Variants in MINDY4 observed in about 807,000 individuals in gnomAD.
MINDY4 encodes the protein probable ubiquitin carboxyl-terminal hydrolase MINDY-4.
MINDY4 carries 68 observed loss-of-function variants against 87.0 expected under a neutral mutation model. The ratio of observed to expected loss-of-function variants is 0.78; its 90% CI spans 0.64 to 0.96. MINDY4 has a LOEUF of 0.96. MINDY4 is among the 40% of genes least tolerant of loss of function. The pLI, the probability that MINDY4 is intolerant of heterozygous loss-of-function variation, is 0.00. For synonymous variants in MINDY4, 379 were observed against 363.2 expected (o/e 1.04, Z -0.50); for missense variants, 919 against 928.2 (o/e 0.99, Z 0.13).
At chr7:30,891,455 G>T (rs1454004098) in intron 17 of MINDY4, among the ~76,000 whole-genome samples, 1 of 152,212 alleles carries the variant, frequency 6.6e-6, no homozygotes, top group African/African-American at 2.4e-5. Context: ...AGTGCTCACA[G>T]CCATTCACTA....
At chr7:30,828,315 G>C (rs1325080019) in intron 5 of MINDY4, among the ~76,000 whole-genome samples, 2 of 140,074 alleles carry the variant, frequency 1.4e-5, no homozygotes, top group African/African-American at 2.9e-5. Flanking sequence ...ACAAGAACTC[G>C]ATTTGTGTGT....
chr7:30,788,684 A>G (rs1232037778), intron 4 of MINDY4, among the ~76,000 whole-genome samples: 3 of 152,180 alleles, frequency 2.0e-5, no homozygotes, highest in African/African-American at 7.2e-5. Context: ...ATGCCTGCCA[A>G]ATACCCACGC....
intron 5 of MINDY4, among the ~76,000 whole-genome samples, chr7:30,793,420 CT>C (rs59690003): frequency 4.0e-4 from 56 of 140,882 alleles, no homozygotes; most frequent in Admixed American, 5.7e-4. Flanking sequence ...CTTTGGTTTG[CT>C]TTTTTTTTTT....
chr7:30,862,395 G>T (rs1789792468), intron 13 of MINDY4, among the ~76,000 whole-genome samples: 1 of 152,220 alleles, frequency 6.6e-6, no homozygotes. Flanking sequence ...CCATTCTCTG[G>T]CCTTCCAGAG....
Position 30,771,460 on chromosome 7 carries a change from CGT to C in MINDY4, c.-32_-31del. The C allele has an allele frequency of 6.3e-7, 1 of 1,589,178 alleles. No homozygotes were observed. The highest frequency in any genetic ancestry group is 8.6e-7 in the Non-Finnish European group (1 of 1,169,258). On this transcript the variant is annotated 5_prime_UTR_variant, in exon 1 of 18. Transcript: ENST00000265299. The stretch of plus-strand genomic sequence containing the variant: ...CCAGTTGCCTGGTGCTGCGGCCCGG[CGT>C]GGGCCTCGTGGGCAGAGCCAGAGCC...
At chr7:30,790,799 G>C (rs1218352043) in intron 4 of MINDY4, among the ~76,000 whole-genome samples, 1 of 152,170 alleles carries the variant, frequency 6.6e-6, no homozygotes, top group Non-Finnish European at 1.5e-5. Flanking sequence ...TTATATTACA[G>C]GTGAGGAAAT....
intron 5 of MINDY4, among the ~76,000 whole-genome samples, chr7:30,793,170 A>AATTGTTTC (rs1562532609): frequency 6.8e-6 from 1 of 147,458 alleles, no homozygotes; most frequent in Non-Finnish European, 1.5e-5. Flanking sequence ...TTGTTTATAT[A>AATTGTTTC]TGTATTATTC....
In MINDY4 at chr7:30,875,549, G is replaced by A; in HGVS notation, c.1864G>A (p.Val622Met). The part of the protein sequence containing the change: ...GKAVSNVFND[V>M]VELDSGDGNI... ...AGCTGTGTCCAACGTTTTCAACGAT[G>A]TGGTTGAGCTGGATTCTGGGGATGG... Residue 622 changes from valine to methionine, a missense_variant, in exon 15 of 18, where the codon GTG becomes ATG. Coordinates refer to ENST00000265299, the MANE Select transcript of MINDY4 (RefSeq NM_032222.3). 1.9e-6 allele frequency: 3 copies of A among 1,614,264 alleles called. No homozygotes were observed. Among genetic ancestry groups the A allele is most frequent in the Non-Finnish European group, 2.5e-6 (3 of 1,180,042 alleles).
intron 13 of MINDY4, among the ~76,000 whole-genome samples, chr7:30,867,270 A>G (rs1001653715): frequency 2.0e-5 from 3 of 152,112 alleles, no homozygotes; most frequent in African/African-American, 7.2e-5. Context: ...CTCCATTTCA[A>G]CTGCTCGGAG....
At chr7:30,839,345 C>A in intron 8 of MINDY4, 29 bp downstream of exon 8, 1 of 1,441,190 alleles carries the variant, frequency 6.9e-7, no homozygotes, top group Non-Finnish European at 9.5e-7. Flanking sequence ...TCCTTGGGAC[C>A]TTTCTGCTGG....
At position 30,892,348 on chromosome 7, in the gene MINDY4, C is replaced by T. The variant is rs974697020; in HGVS notation, c.*343C>T. The T allele has an allele frequency of 3.0e-5, 9 of 297,240 alleles. No individual in the cohort carries two copies. Among genetic ancestry groups the T allele is most frequent in the South Asian group, 7.1e-5 (1 of 14,146 alleles). The allele number at this position is 297,240 out of a possible 1,614,324, so 18.4% of individuals were successfully genotyped here. ...TGTGGTTGGCCCTGGGGACTCATTA[C>T]TTCTGGTAGCTGGCTTTCTATAAAA... On this transcript the variant is annotated 3_prime_UTR_variant, in exon 18 of 18. Coordinates refer to ENST00000265299, the MANE Select transcript of MINDY4 (RefSeq NM_032222.3).
chr7:30,782,338 ATGTTTG>A (rs1178911477), intron 3 of MINDY4, 126 bp downstream of exon 3: 49 of 642,100 alleles, frequency 7.6e-5, no homozygotes, highest in South Asian at 4.0e-4. Flanking sequence ...CTGTGTGTGT[ATGTTTG>A]TGTGTGTGTG....
intron 12 of MINDY4, chr7:30,859,025 C>G (rs534656787): frequency 1.4e-6 from 1 of 709,134 alleles, no homozygotes; most frequent in East Asian, 2.7e-5. Context: ...CACTGATGCT[C>G]TCTTTGGTGG....
chr7:30,774,462 G>A (rs1366473999), intron 1 of MINDY4, among the ~76,000 whole-genome samples: 2 of 152,060 alleles, frequency 1.3e-5, no homozygotes, highest in African/African-American at 4.8e-5. Context: ...TTGTGCTCCT[G>A]CAGAATCCCA....
intron 5 of MINDY4, among the ~76,000 whole-genome samples, chr7:30,827,380 G>A (rs1724037666): frequency 6.6e-6 from 1 of 152,184 alleles, no homozygotes; most frequent in Admixed American, 6.5e-5. Flanking sequence ...GCAGGCGGAG[G>A]TGGGAGAAGT....
At chr7:30,871,041 G>T (rs1334131240) in intron 13 of MINDY4, among the ~76,000 whole-genome samples, 4 of 151,778 alleles carry the variant, frequency 2.6e-5, no homozygotes, top group Admixed American at 2.6e-4. Context: ...AGGGTTGTGT[G>T]TACCCCCCTG....
chr7:30,870,475 G>A (rs976509973), intron 13 of MINDY4, among the ~76,000 whole-genome samples: 1 of 152,324 alleles, frequency 6.6e-6, no homozygotes, highest in East Asian at 1.9e-4. Context: ...TGTCTGTGGT[G>A]GGTGAGCCTC....
chr7:30,822,158 A>ATTTC (rs200549607), intron 5 of MINDY4, among the ~76,000 whole-genome samples: 1,675 of 150,966 alleles, frequency 0.011, 32 homozygotes, highest in African/African-American at 0.038. Flanking sequence ...TACCCACAAA[A>ATTTC]TTTCTTTCTT....
intron 5 of MINDY4, 104 bp downstream of exon 5, chr7:30,791,678 GTC>G (rs1200370858): frequency 3.2e-6 from 4 of 1,253,032 alleles, no homozygotes; most frequent in African/African-American, 1.5e-5. Flanking sequence ...AGTCTCCTTG[GTC>G]TCTCAGAACA....
Sources: gnomAD v4.1 joint callset for allele counts (sites outside exome capture counted in the v4.1 genomes callset) on GRCh38, gnomAD v4.1.1 for gene constraint, MANE v1.5 for transcripts, NCBI Gene and HGNC (gene_info 2026-07-23, HGNC 2026-07-21) for gene names.